Variants in SYNE2 observed in about 807,000 individuals in gnomAD.
SYNE2 encodes the protein nesprin-2.
SYNE2 carries 431 observed loss-of-function variants against 856.3 expected under a neutral mutation model. The observed-to-expected ratio is 0.50, with a 90% CI of 0.47 to 0.55. The LOEUF (loss-of-function observed/expected upper bound fraction) is 0.55. Ranked by LOEUF, SYNE2 falls within the 20% of genes least tolerant of loss-of-function variation. The pLI is 0.00. For synonymous variants in SYNE2, 2,923 were observed against 2,872.3 expected (o/e 1.02, Z -0.56); for missense variants, 8,129 against 8,023.2 (o/e 1.01, Z -0.50).
chr14:64,071,725 A>G (rs1244614005), intron 52 of SYNE2, among the ~76,000 whole-genome samples: 1 of 152,246 alleles, frequency 6.6e-6, no homozygotes, highest in African/African-American at 2.4e-5. Context: ...TTTAAAATGT[A>G]ACTAGCTGTG....
At chr14:64,164,834 G>A (rs1404436658) in intron 89 of SYNE2, among the ~76,000 whole-genome samples, 3 of 151,856 alleles carry the variant, frequency 2.0e-5, no homozygotes, top group Admixed American at 6.6e-5. Flanking sequence ...TCTGGGTGTT[G>A]AAAACAACTT....
Position 64,225,436 on chromosome 14 carries a change from C to G in SYNE2, c.20634C>G (p.Ser6878=), listed in dbSNP as rs143162390. The G allele has an allele frequency of 6.2e-7, 1 of 1,614,112 alleles. No homozygotes were observed. The highest frequency in any genetic ancestry group is 1.1e-5 in the South Asian group (1 of 91,066). Residue 6878 remains serine, a synonymous_variant, in exon 116 of 116, where the codon TCC becomes TCG. Coordinates refer to ENST00000555002, the MANE Select transcript of SYNE2 (RefSeq NM_182914.3). ...TCCTGGCCTGCCTGCTGCCCTCCTC[C>G]GAAGAAGACTACAGCTGCACTCAGG... ...LLLLACLLPS[S]EEDYSCTQAN...
chr14:63,905,295 C>CTTTT (rs2095394302), intron 1 of SYNE2, among the ~76,000 whole-genome samples: 1 of 151,824 alleles, frequency 6.6e-6, no homozygotes, highest in Non-Finnish European at 1.5e-5. Flanking sequence ...TATTTGGGCT[C>CTTTT]TTTTTTGGTT....
At chr14:63,763,403 T>G (rs975292456) in intron 1 of SYNE2, among the ~76,000 whole-genome samples, 4 of 151,616 alleles carry the variant, frequency 2.6e-5, no homozygotes, top group Non-Finnish European at 4.4e-5. Context: ...TTTGTTTACT[T>G]TTTTTTTTCA....
At chr14:64,084,863 G>T in intron 57 of SYNE2, 1 of 680,938 alleles carries the variant, frequency 1.5e-6, no homozygotes, top group Non-Finnish European at 2.7e-6. Flanking sequence ...AAGGCTGCAG[G>T]CTCATCTGAA....
At chr14:64,059,306 G>T (rs1483189989) in intron 49 of SYNE2, among the ~76,000 whole-genome samples, 6 of 152,116 alleles carry the variant, frequency 3.9e-5, no homozygotes, top group Non-Finnish European at 8.8e-5. Context: ...TCCTTCTTGG[G>T]CAGGCTTTCC....
rs758259720 is a variant in SYNE2, at chr14:64,007,004, A to G, written c.4398-39A>G. On this transcript the variant is annotated intron_variant, in intron 30 of 115. Coordinates refer to ENST00000555002, the MANE Select transcript of SYNE2 (RefSeq NM_182914.3). ...CATATTTGTGTTGAATCAATGGTTA[A>G]CAGTTGGCTATCAAACTTTTTTCTC... 4.6e-6 allele frequency: 7 copies of G among 1,516,300 alleles called. No homozygotes were observed. The Admixed American group carries it at 1.0e-4, about 22-fold the overall frequency. 93.9% of individuals were successfully genotyped at this position (1,516,300 alleles called of 1,614,324 possible).
rs76405030 is a variant in SYNE2 at position 64,148,516 on chromosome 14, A to G, written c.15639+2293A>G. ...TGCAGCTGATTGCAGAATTATTTCT[A>G]CTTCCCTCCCCTCGCCCCCACCATC... is the stretch of plus-strand genomic sequence containing the variant. On this transcript the variant is annotated intron_variant, in intron 84 of 115. Coordinates refer to ENST00000555002, the MANE Select transcript of SYNE2 (RefSeq NM_182914.3). Among the ~76,000 whole-genome samples the G allele has an allele frequency of 8.9e-3, 1,355 of 151,956 alleles. 17 individuals are homozygous for G. Among genetic ancestry groups the G allele is most frequent in the African/African-American group, 0.031 (1,293 of 41,438 alleles).
intron 41 of SYNE2, 21 bp downstream of exon 41, chr14:64,025,442 T>C: frequency 1.9e-6 from 3 of 1,606,702 alleles, no homozygotes; most frequent in Non-Finnish European, 2.5e-6. Flanking sequence ...GGAAACTAAA[T>C]TTCAGAAGTC....
intron 17 of SYNE2, 69 bp downstream of exon 17, chr14:63,982,863 A>G (rs2153475242): frequency 6.6e-7 from 1 of 1,509,718 alleles, no homozygotes; most frequent in Non-Finnish European, 9.2e-7. Context: ...TACTCATTGT[A>G]AGTTCATAAC....
At chr14:64,184,281 G>C (rs2153743663) in intron 96 of SYNE2, among the ~76,000 whole-genome samples, 1 of 152,012 alleles carries the variant, frequency 6.6e-6, no homozygotes, top group East Asian at 1.9e-4. Context: ...CCTGCCATGT[G>C]TGGAGCTAAT....
At chr14:64,075,797 C>A in intron 53 of SYNE2, 148 bp from the exon 54 acceptor site, 3 of 770,138 alleles carry the variant, frequency 3.9e-6, no homozygotes, top group Non-Finnish European at 6.7e-6. Flanking sequence ...GTCTCTGGGG[C>A]TTAATCAGCT....
chr14:64,050,366 A>C (rs1248566464), intron 47 of SYNE2, among the ~76,000 whole-genome samples: 3 of 152,376 alleles, frequency 2.0e-5, no homozygotes, highest in African/African-American at 7.2e-5. Context: ...AGGGACACAC[A>C]TTCAGACCAT....
rs1451784471 is a variant in SYNE2, at chr14:63,980,966, T to C, written c.1649-20T>C. 2.7e-6 allele frequency: 4 copies of C among 1,497,034 alleles called. No individual in the cohort carries two copies. Among genetic ancestry groups the C allele is most frequent in the Non-Finnish European group, 3.7e-6 (4 of 1,088,836 alleles). 92.7% of individuals were successfully genotyped at this position (1,497,034 alleles called of 1,614,324 possible). Reference sequence around the variant, plus strand: ...AAAATTGTTTTCTAAGATTACTTTTTTGTTTTGTTAATATTGTAGCTGGAG... The same window carrying C: ...AAAATTGTTTTCTAAGATTACTTTTCTGTTTTGTTAATATTGTAGCTGGAG... On this transcript the variant is annotated intron_variant, in intron 15 of 115. Coordinates refer to ENST00000555002, the MANE Select transcript of SYNE2 (RefSeq NM_182914.3).
At chr14:63,988,699 A>G (rs190667130) in intron 19 of SYNE2, among the ~76,000 whole-genome samples, 2 of 152,350 alleles carry the variant, frequency 1.3e-5, no homozygotes, top group Admixed American at 1.3e-4. Flanking sequence ...TTACAGTTCC[A>G]CGTGTGTGGG....
chr14:63,985,526 A>G (rs1229665868), intron 18 of SYNE2, among the ~76,000 whole-genome samples: 2 of 152,126 alleles, frequency 1.3e-5, no homozygotes, highest in Admixed American at 6.5e-5. Context: ...TACAACTACC[A>G]TTACTAAGAG....
intron 85 of SYNE2, among the ~76,000 whole-genome samples, chr14:64,153,807 G>A (rs3901129): frequency 0.089 from 13,535 of 152,192 alleles, 860 homozygotes; most frequent in East Asian, 0.27. Context: ...AAAACATGCA[G>A]ATAGTACTGT....
At chr14:63,863,331 T>C (rs1044138837) in intron 1 of SYNE2, among the ~76,000 whole-genome samples, 2 of 152,180 alleles carry the variant, frequency 1.3e-5, no homozygotes. Flanking sequence ...GGGGACAGAA[T>C]TGATTTACAG....
chr14:64,059,483 G>A (rs947079366), intron 49 of SYNE2, among the ~76,000 whole-genome samples: 4 of 152,196 alleles, frequency 2.6e-5, no homozygotes, highest in African/African-American at 7.2e-5. Flanking sequence ...GGATTAAGAG[G>A]CAGAGACTCT....
Sources: allele counts gnomAD v4.1 joint callset (sites outside exome capture counted in the v4.1 genomes callset), GRCh38; gene constraint gnomAD v4.1.1; transcripts MANE v1.5; gene names NCBI Gene and HGNC (gene_info 2026-07-23, HGNC 2026-07-21).